FAR1: variants seen among roughly 807,000 people sequenced by gnomAD.
FAR1 encodes male sterility domain-containing protein 2.
FAR1 carries 22 observed loss-of-function variants against 61.1 expected under a neutral mutation model. That is an observed-to-expected ratio of 0.36 (90% CI 0.26 to 0.51). FAR1 has a LOEUF of 0.51. Among genes scored for constraint, FAR1 ranks in the 20% least tolerant of loss-of-function variants. The pLI is 0.95. For missense variants in FAR1, 359 were observed against 626.9 expected (o/e 0.57, Z 4.56); for synonymous variants, 206 against 209.7 (o/e 0.98, Z 0.15).
intron 2 of FAR1, among the ~76,000 whole-genome samples, chr11:13,699,509 A>G (rs1201669274): frequency 3.9e-5 from 6 of 152,212 alleles, no homozygotes; most frequent in Admixed American, 2.0e-4. Flanking sequence ...TCTTAGGTTA[A>G]GAATCCTGCT....
intron 10 of FAR1, among the ~76,000 whole-genome samples, chr11:13,722,683 A>G (rs1848623800): frequency 6.6e-6 from 1 of 151,782 alleles, no homozygotes; most frequent in African/African-American, 2.4e-5. Flanking sequence ...CATGTTAGCC[A>G]AGCTGCTGGT....
chr11:13,694,019 A>T (rs1339118650), intron 1 of FAR1, among the ~76,000 whole-genome samples: 2 of 152,172 alleles, frequency 1.3e-5, no homozygotes, highest in African/African-American at 4.8e-5. Flanking sequence ...ATTGCTAAAC[A>T]ATACAGAGCA....
intron 5 of FAR1, among the ~76,000 whole-genome samples, chr11:13,711,295 T>C (rs1354205424): frequency 6.6e-6 from 1 of 152,162 alleles, no homozygotes; most frequent in Non-Finnish European, 1.5e-5. Context: ...TCAATTGATT[T>C]AGGCAAAACC....
At chr11:13,709,722 A>G (rs1350476901) in intron 4 of FAR1, among the ~76,000 whole-genome samples, 2 of 151,994 alleles carry the variant, frequency 1.3e-5, no homozygotes, top group Admixed American at 6.6e-5. Context: ...AATTTAATTG[A>G]TGTTCTTTTC....
chr11:13,691,395 C>T (rs776251999), intron 1 of FAR1, among the ~76,000 whole-genome samples: 1 of 152,212 alleles, frequency 6.6e-6, no homozygotes, highest in Non-Finnish European at 1.5e-5. Flanking sequence ...ACATTCAAAT[C>T]ATAGCACCAT....
Position 13,720,035 on chromosome 11 carries a change from C to G in FAR1, c.1128-1695C>G, listed in dbSNP as rs184227557. ...ACATTTCTTATTCCCCAATAGTTTTCAATCCAGTATTTTTGTTGCATGATA... is the reference window on the plus strand; with the variant it reads ...ACATTTCTTATTCCCCAATAGTTTTGAATCCAGTATTTTTGTTGCATGATA... On this transcript the variant is annotated intron_variant, in intron 9 of 11. Coordinates refer to ENST00000354817, the MANE Select transcript of FAR1 (RefSeq NM_032228.6). 17 of 152,298 alleles carry G rather than the reference C, an allele frequency of 1.1e-4. No individual in the cohort carries two copies. In the East Asian group the frequency reaches 3.1e-3, roughly 28 times the overall value. The allele number at this position is 152,298 out of a possible 1,614,324, so 9.4% of individuals were successfully genotyped here. A position where few individuals can be genotyped will look rare whatever the true frequency, so the allele number is the denominator to read the frequency against.
intron 4 of FAR1, among the ~76,000 whole-genome samples, chr11:13,709,734 T>G (rs922564088): frequency 6.6e-6 from 1 of 152,114 alleles, no homozygotes; most frequent in Non-Finnish European, 1.5e-5. Flanking sequence ...GTTCTTTTCC[T>G]TTCATATACA....
Position 13,721,645 on chromosome 11 carries a change from AGGGG to A in FAR1, c.1128-83_1128-80del. 9.8e-7 allele frequency: 1 copy of A among 1,022,744 alleles called. No individual in the cohort carries two copies. Among genetic ancestry groups the A allele is most frequent in the Non-Finnish European group, 1.5e-6 (1 of 688,508 alleles). 63.4% of individuals were successfully genotyped at this position (1,022,744 alleles called of 1,614,324 possible). The stretch of plus-strand genomic sequence containing the variant: ...ATTTTAATACTAATGTCTATATTAT[AGGGG>A]GAAACTTGCACCCTGGGTGGTGATA... On this transcript the variant is annotated intron_variant, in intron 9 of 11. Coordinates refer to ENST00000354817, the MANE Select transcript of FAR1 (RefSeq NM_032228.6). The surrounding 1 kb of genome is among the most constrained non-coding windows in gnomAD (Gnocchi z 4.2).
chr11:13,676,558 A>G (rs1308792427), intron 1 of FAR1, among the ~76,000 whole-genome samples: 1 of 152,146 alleles, frequency 6.6e-6, no homozygotes, highest in African/African-American at 2.4e-5. Flanking sequence ...TTCTCAGTGG[A>G]GCCCTGAGAT....
chr11:13,670,465 T>A (rs996076213), intron 1 of FAR1, among the ~76,000 whole-genome samples: 10 of 152,120 alleles, frequency 6.6e-5, no homozygotes, highest in Non-Finnish European at 1.3e-4. Flanking sequence ...CTAATTTTTG[T>A]ATTTTTAGTA....
chr11:13,699,533 T>G (rs1848346784), intron 2 of FAR1, among the ~76,000 whole-genome samples: 1 of 152,196 alleles, frequency 6.6e-6, no homozygotes, highest in Non-Finnish European at 1.5e-5. Context: ...ACTGCAAGTT[T>G]GAACTTCAAA....
intron 1 of FAR1, among the ~76,000 whole-genome samples, chr11:13,675,439 G>A (rs77007032): frequency 9.3e-5 from 7 of 74,880 alleles, no homozygotes; most frequent in Non-Finnish European, 2.3e-4. Context: ...TAATTTTGGC[G>A]CTATAGAATA....
chr11:13,729,638 A>AG lies in FAR1; in HGVS notation c.*866dup, dbSNP rs898977326. 6.6e-6 allele frequency: 1 copy of AG among 152,002 alleles called. No homozygotes were observed. The highest frequency in any genetic ancestry group is 2.4e-5 in the African/African-American group (1 of 41,450). The allele number at this position is 152,002 out of a possible 1,614,324, so 9.4% of individuals were successfully genotyped here. On this transcript the variant is annotated 3_prime_UTR_variant, in exon 12 of 12. Transcript: ENST00000354817. ...GATTTGATGGAAGTGGGAGTTGGGA[A>AG]GGATTCACCATACTTGTGTTCTCCT...
chr11:13,717,218 T>G (rs1158540178), intron 9 of FAR1, among the ~76,000 whole-genome samples: 2 of 152,002 alleles, frequency 1.3e-5, no homozygotes, highest in Non-Finnish European at 2.9e-5. Flanking sequence ...CAGGGTTTTG[T>G]CATCTAAATC....
chr11:13,701,395 G>A (rs926946932), intron 3 of FAR1, among the ~76,000 whole-genome samples: 1 of 151,968 alleles, frequency 6.6e-6, no homozygotes, highest in East Asian at 1.9e-4. Context: ...TCATAAATAT[G>A]TACAGTTATG....
chr11:13,692,247 A>G lies in FAR1; in HGVS notation c.-7-2512A>G, dbSNP rs529963105. ...CATATGTTCAGATTGGGGATGTTCA[A>G]CCAGTAAGCATAATGCAAATATTCC... On this transcript the variant is annotated intron_variant, in intron 1 of 11. Coordinates refer to ENST00000354817, the MANE Select transcript of FAR1 (RefSeq NM_032228.6). 2.2e-4 allele frequency among the ~76,000 whole-genome samples: 33 copies of G among 152,262 alleles called. No individual in the cohort carries two copies. The East Asian group carries it at 2.9e-3, about 13-fold the overall frequency.
At chr11:13,696,949 T>C (rs1848313304) in intron 2 of FAR1, among the ~76,000 whole-genome samples, 2 of 152,194 alleles carry the variant, frequency 1.3e-5, no homozygotes, top group Admixed American at 6.5e-5. Flanking sequence ...CCATTGACAT[T>C]TTGGGCTGGC....
intron 9 of FAR1, among the ~76,000 whole-genome samples, chr11:13,717,469 TTGA>T (rs983445515): frequency 1.3e-5 from 2 of 152,176 alleles, no homozygotes; most frequent in South Asian, 2.1e-4. Flanking sequence ...CAGATATGTG[TTGA>T]TGATTTCTTG....
At chr11:13,687,898 A>G (rs978050584) in intron 1 of FAR1, among the ~76,000 whole-genome samples, 3 of 139,542 alleles carry the variant, frequency 2.1e-5, no homozygotes, top group African/African-American at 5.4e-5. Context: ...GAATTGAACA[A>G]TGAGAACACA....
Sources: gnomAD v4.1 joint callset for allele counts (sites outside exome capture counted in the v4.1 genomes callset) on GRCh38, gnomAD v4.1.1 for gene constraint, Gnocchi (gnomAD v3.1) non-coding constraint, MANE v1.5 for transcripts, NCBI Gene and HGNC (gene_info 2026-07-23, HGNC 2026-07-21) for gene names.